The following LYPD6 variants were observed in gnomAD, a reference collection of about 807,000 sequenced individuals.
The protein encoded by LYPD6 is LY6/PLAUR domain containing 6, also known as ly6/PLAUR domain-containing protein 6.
LYPD6 carries 15 observed loss-of-function variants against 22.7 expected under a neutral mutation model. The ratio of observed to expected loss-of-function variants is 0.66; its 90% CI spans 0.44 to 1.02. The LOEUF (loss-of-function observed/expected upper bound fraction) is 1.02. Among genes scored for constraint, LYPD6 ranks in the 50% least tolerant of loss-of-function variants. LYPD6 has a pLI of 0.00. For missense variants in LYPD6, 189 were observed against 208.4 expected, an observed-to-expected ratio of 0.91 and a Z score of 0.57; for synonymous variants, 72 against 77.5, an observed-to-expected ratio of 0.93 and a Z score of 0.37.
chr2:149,354,944 A>C (rs1341971240), intron 1 of LYPD6, among the ~76,000 whole-genome samples: 1 of 152,184 alleles, frequency 6.6e-6, no homozygotes, highest in Non-Finnish European at 1.5e-5. Context: ...TGGGGCATTT[A>C]AGAGTTTGAG....
In LYPD6 at chr2:149,468,710, C is replaced by T. The variant is rs776243056; in HGVS notation, c.283C>T (p.Arg95Cys). Residue 95 changes from arginine (R) to cysteine (C), a missense_variant, in exon 4 of 5, where the codon CGC becomes TGC. By Grantham distance (180) the Arg-to-Cys change is radical (BLOSUM62 -3). Coordinates refer to ENST00000334166, the MANE Select transcript of LYPD6 (RefSeq NM_194317.5). Reference sequence around the variant, plus strand: ...AGGAAACAGTATCTCAGTCACCAAACGCTGTGTCCCACTGGAAGAGTGCTT... The same window carrying T: ...AGGAAACAGTATCTCAGTCACCAAATGCTGTGTCCCACTGGAAGAGTGCTT... ...VTGNSISVTK[R>C]CVPLEECLST... 1.7e-5 allele frequency: 27 copies of T among 1,613,568 alleles called. 1 individual carries two copies. The highest frequency in any genetic ancestry group is 4.0e-5 in the African/African-American group (3 of 74,884).
intron 1 of LYPD6, among the ~76,000 whole-genome samples, chr2:149,352,007 T>C (rs1284203592): frequency 6.6e-6 from 1 of 152,098 alleles, no homozygotes; most frequent in Non-Finnish European, 1.5e-5. Flanking sequence ...TTGAATTTGC[T>C]GAGAAAGGTG....
intron 1 of LYPD6, among the ~76,000 whole-genome samples, chr2:149,344,202 A>G (rs1462394243): frequency 2.0e-5 from 3 of 152,134 alleles, no homozygotes; most frequent in Non-Finnish European, 2.9e-5. Context: ...CTTACCTAGA[A>G]CTGTTTTTGT....
At position 149,365,610 on chromosome 2, in the gene LYPD6, C is replaced by T. The variant is rs145697885; in HGVS notation, c.-72+34888C>T. On this transcript the variant is annotated intron_variant, in intron 1 of 4. Coordinates refer to ENST00000334166, the MANE Select transcript of LYPD6 (RefSeq NM_194317.5). ...ATTCTACATATTTACAGCTGTGTTT[C>T]TCAACGTTTATTTTTATTATTGCTC... Among the ~76,000 whole-genome samples the T allele has an allele frequency of 5.5e-3, 836 of 151,994 alleles. 7 individuals carry two copies. Among genetic ancestry groups the T allele is most frequent in the African/African-American group, 0.019 (807 of 41,438 alleles).
chr2:149,335,181 T>C lies in LYPD6; in HGVS notation c.-72+4459T>C, dbSNP rs535949059. Among the ~76,000 whole-genome samples the C allele has an allele frequency of 9.2e-5, 14 of 152,204 alleles. No homozygotes were observed. The East Asian group carries it at 2.7e-3, about 29-fold the overall frequency. ...CTGTAAACAGCCTCAGGCAGGTCCT[T>C]CAGGAGGTATTCCAGAAGAAAGCAT... On this transcript the variant is annotated intron_variant, in intron 1 of 4. Transcript: ENST00000334166.
chr2:149,394,366 T>C (rs140789468), intron 1 of LYPD6, among the ~76,000 whole-genome samples: 2 of 152,244 alleles, frequency 1.3e-5, no homozygotes, highest in African/African-American at 4.8e-5. Context: ...GTAGCAATCA[T>C]TATTCTGTGT....
At chr2:149,410,645 C>T (rs957753178) in intron 1 of LYPD6, among the ~76,000 whole-genome samples, 6 of 152,118 alleles carry the variant, frequency 3.9e-5, no homozygotes, top group Non-Finnish European at 8.8e-5. Flanking sequence ...TGTCTAAAGT[C>T]GTTGATTCCT....
chr2:149,408,081 C>G (rs866978626), intron 1 of LYPD6, among the ~76,000 whole-genome samples: 19 of 152,124 alleles, frequency 1.2e-4, no homozygotes, highest in African/African-American at 4.3e-4. Context: ...GCTGTCTGAT[C>G]GTTCCTCTAG....
intron 1 of LYPD6, among the ~76,000 whole-genome samples, chr2:149,410,124 A>C (rs2105121072): frequency 1.3e-5 from 2 of 152,342 alleles, no homozygotes; most frequent in Middle Eastern, 6.8e-3. Context: ...GTAGGTGCTC[A>C]GTTGAAGTTT....
At chr2:149,335,166 C>T (rs183163616) in intron 1 of LYPD6, among the ~76,000 whole-genome samples, 1 of 152,030 alleles carries the variant, frequency 6.6e-6, no homozygotes, top group East Asian at 1.9e-4. Context: ...CTGTAAACAG[C>T]CTCAGGCAGG....
At chr2:149,343,587 G>A (rs1280923679) in intron 1 of LYPD6, among the ~76,000 whole-genome samples, 1 of 152,180 alleles carries the variant, frequency 6.6e-6, no homozygotes, top group Non-Finnish European at 1.5e-5. Context: ...TCTTCCAGTA[G>A]GCAAGTGAAA....
intron 1 of LYPD6, among the ~76,000 whole-genome samples, chr2:149,392,481 A>C (rs1375947800): frequency 6.6e-6 from 1 of 152,200 alleles, no homozygotes; most frequent in South Asian, 2.1e-4. Context: ...AATGCTTGGC[A>C]TAACTCAGCT....
intron 1 of LYPD6, among the ~76,000 whole-genome samples, chr2:149,401,234 C>T (rs541927338): frequency 6.6e-6 from 1 of 152,286 alleles, no homozygotes; most frequent in East Asian, 1.9e-4. Flanking sequence ...CAGTGGTTTC[C>T]ACTTACATCT....
intron 1 of LYPD6, among the ~76,000 whole-genome samples, chr2:149,351,392 T>TAAAAAAAAAA (rs71397025): frequency 1.2e-5 from 1 of 83,116 alleles, no homozygotes; most frequent in South Asian, 5.4e-4. Flanking sequence ...AGACTCCATC[T>TAAAAAAAAAA]AAAAAAAAAA....
At chr2:149,370,353 A>G (rs748071490) in intron 1 of LYPD6, among the ~76,000 whole-genome samples, 1 of 152,042 alleles carries the variant, frequency 6.6e-6, no homozygotes, top group Non-Finnish European at 1.5e-5. Flanking sequence ...TCCAGAATCC[A>G]TATGTTGGAA....
In LYPD6 at chr2:149,470,870, G is replaced by A; in HGVS notation, c.*20G>A. ...TTATAGTGGCTCAGTGGCTCCATGT[G>A]TTAATAGCGATCCATGGGGATCTCG... On this transcript the variant is annotated 3_prime_UTR_variant, in exon 5 of 5. Coordinates refer to ENST00000334166, the MANE Select transcript of LYPD6 (RefSeq NM_194317.5). 1 of 1,597,040 alleles carries A rather than the reference G, an allele frequency of 6.3e-7. No homozygotes were observed. Among genetic ancestry groups the A allele is most frequent in the Non-Finnish European group, 8.6e-7 (1 of 1,166,684 alleles).
At chr2:149,366,502 T>C (rs1457114355) in intron 1 of LYPD6, among the ~76,000 whole-genome samples, 1 of 152,036 alleles carries the variant, frequency 6.6e-6, no homozygotes, top group Admixed American at 6.6e-5. Context: ...CAGAGCTAGG[T>C]GATTTGGGAG....
chr2:149,425,145 G>A (rs1164386673), intron 1 of LYPD6, among the ~76,000 whole-genome samples: 1 of 152,082 alleles, frequency 6.6e-6, no homozygotes, highest in East Asian at 1.9e-4. Context: ...TGCCTGTGTA[G>A]GGTTGATGCA....
At chr2:149,428,154 C>T (rs1434304816) in intron 1 of LYPD6, among the ~76,000 whole-genome samples, 1 of 152,140 alleles carries the variant, frequency 6.6e-6, no homozygotes, top group African/African-American at 2.4e-5. Flanking sequence ...TTTTTAAAAC[C>T]ACCTTTAACC....
Sources: allele counts gnomAD v4.1 joint callset (sites outside exome capture counted in the v4.1 genomes callset), GRCh38; gene constraint gnomAD v4.1.1; transcripts MANE v1.5; gene names NCBI Gene and HGNC (gene_info 2026-07-23, HGNC 2026-07-21).